Variants in KIRREL1 observed in about 807,000 individuals in gnomAD.
KIRREL1 encodes kirre like nephrin family adhesion molecule 1, also known as kin of IRRE-like protein 1.
In KIRREL1, 25 loss-of-function variants were observed where a neutral mutation model predicts 83.3. The ratio of observed to expected loss-of-function variants is 0.30; its 90% CI spans 0.22 to 0.42. KIRREL1 has a LOEUF of 0.42. Among genes scored for constraint, KIRREL1 ranks in the 10% least tolerant of loss-of-function variants. KIRREL1 has a pLI of 1.00. For synonymous variants in KIRREL1, 388 were observed against 410.4 expected (o/e 0.95, Z 0.66); for missense variants, 812 against 1,032.3 (o/e 0.79, Z 2.92).
At chr1:158,040,406 G>T (rs1660593727) in intron 1 of KIRREL1, among the ~76,000 whole-genome samples, 1 of 152,228 alleles carries the variant, frequency 6.6e-6, no homozygotes, top group South Asian at 2.1e-4. Context: ...GACCAGGGTT[G>T]AAATTCTGAC....
At chr1:158,028,657 A>G (rs923674120) in intron 1 of KIRREL1, among the ~76,000 whole-genome samples, 6 of 151,964 alleles carry the variant, frequency 3.9e-5, no homozygotes, top group African/African-American at 1.2e-4. Flanking sequence ...TTTTTCAATT[A>G]TTTTTTCTAT....
chr1:158,007,695 G>A (rs1026774470), intron 1 of KIRREL1, among the ~76,000 whole-genome samples: 2 of 151,938 alleles, frequency 1.3e-5, no homozygotes, highest in Non-Finnish European at 2.9e-5. Context: ...GCCTGCTTGT[G>A]GGCAGCCTGG....
chr1:158,094,363 C>T lies in KIRREL1; in HGVS notation c.1770C>T (p.Ile590=), dbSNP rs757738570. The T allele has an allele frequency of 1.4e-4, 225 of 1,611,884 alleles. No homozygotes were observed. Among genetic ancestry groups the T allele is most frequent in the Non-Finnish European group, 1.8e-4 (208 of 1,179,308 alleles). Residue 590 remains isoleucine (I), a synonymous_variant, in exon 14 of 15, where the codon ATC becomes ATT. Coordinates refer to ENST00000359209, the MANE Select transcript of KIRREL1 (RefSeq NM_018240.7). The surrounding 1 kb of genome is among the most constrained non-coding windows in gnomAD (Gnocchi z 4.6). ...DLKQDLRCDT[I]DTREEYEMKD... is the part of the protein sequence containing the mutation. Reference sequence around the variant, plus strand: ...AGCAGGACCTGCGCTGCGACACCATCGACACCCGGGAGGAGTATGAGATGA... The same window carrying T: ...AGCAGGACCTGCGCTGCGACACCATTGACACCCGGGAGGAGTATGAGATGA...
intron 1 of KIRREL1, among the ~76,000 whole-genome samples, chr1:158,070,742 C>G (rs114381784): frequency 6.6e-6 from 1 of 152,062 alleles, no homozygotes; most frequent in East Asian, 1.9e-4. Context: ...GGACGGATGT[C>G]TGAGAGAGAG....
intron 1 of KIRREL1, among the ~76,000 whole-genome samples, chr1:158,053,361 T>G (rs1027554465): frequency 3.3e-5 from 5 of 152,180 alleles, no homozygotes; most frequent in Admixed American, 6.6e-5. Flanking sequence ...GTCCTATCTT[T>G]CATAAACAAT....
intron 1 of KIRREL1, among the ~76,000 whole-genome samples, chr1:158,074,949 G>A (rs748024883): frequency 1.3e-5 from 2 of 152,206 alleles, no homozygotes; most frequent in African/African-American, 4.8e-5. Context: ...GGAGGAGGCC[G>A]TGACTTTTGG....
intron 1 of KIRREL1, among the ~76,000 whole-genome samples, chr1:158,075,489 T>C (rs974755050): frequency 6.6e-6 from 1 of 152,064 alleles, no homozygotes; most frequent in African/African-American, 2.4e-5. Context: ...CAGAGCTACT[T>C]TGTTTTGGAT....
chr1:158,077,233 C>A (rs1424249780), intron 2 of KIRREL1, among the ~76,000 whole-genome samples: 10 of 152,024 alleles, frequency 6.6e-5, no homozygotes, highest in Admixed American at 2.6e-4. Context: ...CTGTGTAGAG[C>A]AATCCATATA....
Position 158,097,219 on chromosome 1 carries a change from TACAG to T in KIRREL1, c.*2103_*2106del. The T allele has an allele frequency of 2.9e-6, 1 of 350,164 alleles. No individual in the cohort carries two copies. The highest frequency in any genetic ancestry group is 5.6e-6 in the Non-Finnish European group (1 of 179,378). 21.7% of individuals were successfully genotyped at this position (350,164 alleles called of 1,614,324 possible). A position where few individuals can be genotyped will look rare whatever the true frequency, so the allele number is the denominator to read the frequency against. On this transcript the variant is annotated 3_prime_UTR_variant, in exon 15 of 15. Coordinates refer to ENST00000359209, the MANE Select transcript of KIRREL1 (RefSeq NM_018240.7). ...GTCTGTCAAGAAATTCAGGTTCTTG[TACAG>T]ACAAATTCATGCAAATTTCTATTAT...
chr1:158,046,169 T>C (rs1351619377), intron 1 of KIRREL1, among the ~76,000 whole-genome samples: 1 of 152,210 alleles, frequency 6.6e-6, no homozygotes, highest in East Asian at 1.9e-4. Context: ...CACAAGATGA[T>C]AGCTTGGGCA....
At chr1:158,084,648 G>A in intron 4 of KIRREL1, 69 bp downstream of exon 4, 6 of 1,490,248 alleles carry the variant, frequency 4.0e-6, no homozygotes, top group South Asian at 1.3e-5. Flanking sequence ...TCCCACAGGG[G>A]TTTCACCACA....
chr1:158,034,090 G>A (rs1251098822), intron 1 of KIRREL1, among the ~76,000 whole-genome samples: 3 of 151,788 alleles, frequency 2.0e-5, no homozygotes, highest in Non-Finnish European at 4.4e-5. Context: ...GGACTAACAC[G>A]GTGTAACCCC....
At chr1:158,020,855 T>C (rs1571542375) in intron 1 of KIRREL1, among the ~76,000 whole-genome samples, 1 of 152,340 alleles carries the variant, frequency 6.6e-6, no homozygotes, top group East Asian at 1.9e-4. Flanking sequence ...AAATAACTTT[T>C]GTATTATCCA....
chr1:158,010,859 T>C (rs1252189534), intron 1 of KIRREL1, among the ~76,000 whole-genome samples: 2 of 151,334 alleles, frequency 1.3e-5, no homozygotes, highest in East Asian at 3.9e-4. Context: ...AACAGATAGC[T>C]CTCCCAAGAG....
rs1285007675 is a variant in KIRREL1 at position 158,081,154 on chromosome 1, C to T, written c.352+3014C>T. Among the ~76,000 whole-genome samples the T allele has an allele frequency of 2.9e-5, 3 of 103,694 alleles. No individual in the cohort carries two copies. In the East Asian group the frequency reaches 6.1e-4, roughly 21 times the overall value. The allele number at this position is 103,694 out of a possible 152,430, so 68.0% of individuals were successfully genotyped here. On this transcript the variant is annotated intron_variant, in intron 3 of 14. Coordinates refer to ENST00000359209, the MANE Select transcript of KIRREL1 (RefSeq NM_018240.7). Reference sequence around the variant, plus strand: ...TGCAGACATAACATAGATATACAGACCTCCAAAACCATGGTGATGAGCATG... The same window carrying T: ...TGCAGACATAACATAGATATACAGATCTCCAAAACCATGGTGATGAGCATG...
At chr1:158,066,942 T>G (rs1661371930) in intron 1 of KIRREL1, among the ~76,000 whole-genome samples, 1 of 152,206 alleles carries the variant, frequency 6.6e-6, no homozygotes, top group Admixed American at 6.5e-5. Context: ...ACCCCCTTTC[T>G]GCTCCCACCT....
intron 11 of KIRREL1, among the ~76,000 whole-genome samples, chr1:158,092,702 T>A (rs1215507669): frequency 1.3e-5 from 2 of 151,772 alleles, no homozygotes; most frequent in African/African-American, 4.8e-5. Context: ...TGGGGAAGAA[T>A]GGAGTAGATA....
Position 158,095,146 on chromosome 1 carries a change from C to G in KIRREL1, c.*26C>G. 6.7e-7 allele frequency: 1 copy of G among 1,501,894 alleles called. No individual in the cohort carries two copies. The highest frequency in any genetic ancestry group is 9.1e-7 in the Non-Finnish European group (1 of 1,098,370). The allele number at this position is 1,501,894 out of a possible 1,614,324, so 93.0% of individuals were successfully genotyped here. On this transcript the variant is annotated 3_prime_UTR_variant, in exon 15 of 15. Coordinates refer to ENST00000359209, the MANE Select transcript of KIRREL1 (RefSeq NM_018240.7). ...GGGCCAGAGCCTGGCTGGGGCATCT[C>G]TGCGGGGCAGAGGAGAAGGCTTTCA...
At chr1:158,038,583 C>A (rs191665152) in intron 1 of KIRREL1, among the ~76,000 whole-genome samples, 1 of 151,184 alleles carries the variant, frequency 6.6e-6, no homozygotes, top group East Asian at 1.9e-4. Flanking sequence ...CCTTGGCCCC[C>A]CCAAAACACT....
Sources: gnomAD v4.1 joint callset for allele counts (sites outside exome capture counted in the v4.1 genomes callset) on GRCh38, gnomAD v4.1.1 for gene constraint, Gnocchi (gnomAD v3.1) non-coding constraint, MANE v1.5 for transcripts, NCBI Gene and HGNC (gene_info 2026-07-23, HGNC 2026-07-21) for gene names.